RNF17: variants seen among roughly 807,000 people sequenced by gnomAD.
The protein encoded by RNF17 is ring finger protein 17.
RNF17 carries 31 observed loss-of-function variants against 200.5 expected under a neutral mutation model. The ratio of observed to expected loss-of-function variants is 0.15; its 90% CI spans 0.12 to 0.21. The LOEUF (loss-of-function observed/expected upper bound fraction) is 0.21, where lower values mean the gene tolerates loss of function less well. Among genes scored for constraint, RNF17 ranks in the 10% least tolerant of loss-of-function variants. RNF17 has a pLI of 1.00. For missense variants in RNF17, 1,628 were observed against 1,905.1 expected (o/e 0.85, Z 2.71); for synonymous variants, 606 against 637.8 (o/e 0.95, Z 0.75).
intron 29 of RNF17, among the ~76,000 whole-genome samples, chr13:24,865,795 G>A (rs1893559827): frequency 6.6e-6 from 1 of 152,118 alleles, no homozygotes; most frequent in African/African-American, 2.4e-5. Context: ...GGGTGTGTGT[G>A]TGTGTAAAAG....
chr13:24,818,468 GA>G (rs1253897832), intron 15 of RNF17, among the ~76,000 whole-genome samples: 1 of 152,072 alleles, frequency 6.6e-6, no homozygotes, highest in East Asian at 1.9e-4. Flanking sequence ...ATGCACTATT[GA>G]AAGTGGAATA....
intron 33 of RNF17, among the ~76,000 whole-genome samples, chr13:24,876,037 C>G (rs991206421): frequency 3.9e-5 from 6 of 152,146 alleles, no homozygotes; most frequent in Admixed American, 6.5e-5. Flanking sequence ...TTGGCCCTTT[C>G]TAACTTGTTT....
intron 3 of RNF17, among the ~76,000 whole-genome samples, chr13:24,777,067 T>A (rs1284032226): frequency 6.6e-6 from 1 of 152,236 alleles, no homozygotes; most frequent in Non-Finnish European, 1.5e-5. Context: ...TAGAAACTGC[T>A]ATTCTCTAAG....
At chr13:24,848,711 TTCATC>T (rs1382322550) in intron 22 of RNF17, among the ~76,000 whole-genome samples, 1 of 152,086 alleles carries the variant, frequency 6.6e-6, no homozygotes, top group Admixed American at 6.6e-5. Flanking sequence ...TTACCACCAT[TTCATC>T]TCAAGAACTT....
intron 28 of RNF17, 54 bp downstream of exon 28, chr13:24,862,847 TTAAC>T (rs1893236933): frequency 9.8e-7 from 1 of 1,015,688 alleles, no homozygotes; most frequent in Non-Finnish European, 1.5e-6. Flanking sequence ...AATATTATAA[TTAAC>T]ATAATTTGAG....
intron 6 of RNF17, among the ~76,000 whole-genome samples, chr13:24,787,332 A>G (rs1039818227): frequency 6.6e-6 from 1 of 152,028 alleles, no homozygotes; most frequent in African/African-American, 2.4e-5. Context: ...TTCTTTGAGA[A>G]CTGTTTTTAC....
Position 24,789,756 on chromosome 13 carries a change from T to C in RNF17, c.919T>C (p.Phe307Leu). The C allele has an allele frequency of 6.3e-7, 1 of 1,586,180 alleles. No homozygotes were observed. The highest frequency in any genetic ancestry group is 8.7e-7 in the Non-Finnish European group (1 of 1,155,246). ...CMFNNMGKIE[F>L]RDSTKCYPQE... ...GTTCAACAATATGGGAAAGATTGAA[T>C]TTAGGGACTCAACAAAGTAAGTATT... The change falls in exon 9 of 36, where the codon TTT becomes CTT. Residue 307 changes from phenylalanine to leucine, a missense_variant. Coordinates refer to ENST00000255324, the MANE Select transcript of RNF17 (RefSeq NM_031277.3).
upstream of RNF17, among the ~76,000 whole-genome samples, chr13:24,763,204 CTTTT>C (rs11329776): frequency 7.0e-5 from 9 of 129,162 alleles, no homozygotes; most frequent in Non-Finnish European, 8.3e-5. Flanking sequence ...TGCTTCAACT[CTTTT>C]TTTTTTTTTT....
the RNF17 span, chr13:24,885,518 C>G: frequency 3.3e-6 from 4 of 1,219,164 alleles, no homozygotes; most frequent in East Asian, 9.3e-5. Context: ...CTTTTTTACA[C>G]GTGGTTTAGA....
At chr13:24,837,596 T>C (rs1251235416) in intron 18 of RNF17, among the ~76,000 whole-genome samples, 2 of 152,108 alleles carry the variant, frequency 1.3e-5, no homozygotes, top group Admixed American at 6.6e-5. Flanking sequence ...TGAATGAGCA[T>C]TGGGTCAAAA....
chr13:24,861,172 C>A, intron 26 of RNF17, 96 bp from the exon 27 acceptor site: 2 of 1,046,850 alleles, frequency 1.9e-6, no homozygotes, highest in Non-Finnish European at 2.7e-6. Flanking sequence ...AGCCATCAAG[C>A]CCGGCCTGTC....
chr13:24,764,931 T>C (rs1261777561), intron 1 of RNF17, among the ~76,000 whole-genome samples: 2 of 148,064 alleles, frequency 1.4e-5, no homozygotes, highest in Non-Finnish European at 3.0e-5. Context: ...GTGTTGGTCT[T>C]TATACGTGAG....
rs140932870 is a variant in RNF17, at chr13:24,773,604, G to C, written c.226-1209G>C. Among the ~76,000 whole-genome samples, 8 of 152,226 alleles carry C rather than the reference G, an allele frequency of 5.3e-5. No individual in the cohort carries two copies. In the East Asian group the frequency reaches 1.5e-3, roughly 29 times the overall value. ...CTTTCTGTTGGGTTCTGTGCTCACTGTTTGGGTCATGGGATCAACAGAAGC... is the reference window on the plus strand; with the variant it reads ...CTTTCTGTTGGGTTCTGTGCTCACTCTTTGGGTCATGGGATCAACAGAAGC... On this transcript the variant is annotated intron_variant, in intron 2 of 35. Transcript: ENST00000255324.
Position 24,850,327 on chromosome 13 carries a change from G to A in RNF17, c.3102-14G>A, listed in dbSNP as rs1264236043. The A allele has an allele frequency of 1.3e-6, 2 of 1,581,454 alleles. No homozygotes were observed. Among genetic ancestry groups the A allele is most frequent in the Non-Finnish European group, 1.7e-6 (2 of 1,152,264 alleles). ...TATTTTTATAAAACAAGTTGCCACT[G>A]TTTTCTGTTGTAGACCAGCTGGTGG... On this transcript the variant is annotated splice_polypyrimidine_tract_variant and intron_variant, in intron 22 of 35. Coordinates refer to ENST00000255324, the MANE Select transcript of RNF17 (RefSeq NM_031277.3).
chr13:24,781,877 G>C lies in RNF17; in HGVS notation c.544G>C (p.Glu182Gln). 10 of 1,612,104 alleles carry C rather than the reference G, an allele frequency of 6.2e-6. No individual in the cohort carries two copies. The highest frequency in any genetic ancestry group is 8.5e-6 in the Non-Finnish European group (10 of 1,179,520). Residue 182 changes from glutamate (E) to glutamine (Q), a missense_variant, in exon 6 of 36, where the codon GAA becomes CAA. Glu to Gln is a conservative substitution (Grantham distance 29). Coordinates refer to ENST00000255324, the MANE Select transcript of RNF17 (RefSeq NM_031277.3). ...LEHMQKQTIE[E>Q]RERVIEVVEK... Reference sequence around the variant, plus strand: ...ACACATGCAGAAGCAAACGATAGAGGAAAGAGAAAGAGTTATAGAAGTTGT... The same window carrying C: ...ACACATGCAGAAGCAAACGATAGAGCAAAGAGAAAGAGTTATAGAAGTTGT...
Position 24,843,770 on chromosome 13 carries a change from A to G in RNF17, c.2630A>G (p.Lys877Arg). The G allele has an allele frequency of 6.2e-7, 1 of 1,600,230 alleles. No homozygotes were observed. Among genetic ancestry groups the G allele is most frequent in the Non-Finnish European group, 8.5e-7 (1 of 1,170,854 alleles). Residue 877 changes from lysine (K) to arginine (R), a missense_variant, in exon 20 of 36, where the codon AAG (lysine) becomes AGG (arginine). Transcript: ENST00000255324. The part of the protein sequence containing the change: ...IGYILKDNSQ[K>R]HIEVWDPSPE... ...TACATCCTCAAAGATAATTCTCAAA[A>G]GCATATTGAAGTTTGGGATCCTTCT...
At chr13:24,814,954 G>A (rs1338034370) in intron 15 of RNF17, among the ~76,000 whole-genome samples, 4 of 152,166 alleles carry the variant, frequency 2.6e-5, no homozygotes, top group Admixed American at 6.5e-5. Context: ...ATTTTTACAT[G>A]TGAATTTTGT....
intron 15 of RNF17, among the ~76,000 whole-genome samples, chr13:24,807,026 A>C (rs974398955): frequency 1.3e-5 from 2 of 151,420 alleles, no homozygotes; most frequent in African/African-American, 2.4e-5. Context: ...TGTGTGCCAC[A>C]TTTTCTTAAT....
In RNF17 at chr13:24,859,046, A is replaced by G; in HGVS notation, c.3656A>G (p.Lys1219Arg). 1 of 1,603,010 alleles carries G rather than the reference A, an allele frequency of 6.2e-7. No individual in the cohort carries two copies. Among genetic ancestry groups the G allele is most frequent in the Non-Finnish European group, 8.5e-7 (1 of 1,170,984 alleles). The change falls in exon 26 of 36, where the codon AAA becomes AGA. Residue 1219 changes from lysine to arginine, a missense_variant. Physicochemically the swap from Lys to Arg is conservative, Grantham distance 26 (BLOSUM62 2). This residue lies in a region of RNF17 where 609 missense variants were observed against 681.9 expected (regional missense o/e 0.89). Transcript: ENST00000255324. ...ACAAATGAAATTCAAAGTAATTTAA[A>G]ATGCCTTGGTCTTTTGGAGCCTTAT... ...KMTNEIQSNL[K>R]CLGLLEPYFW...
Sources: gnomAD v4.1 joint callset for allele counts (sites outside exome capture counted in the v4.1 genomes callset) on GRCh38, gnomAD v4.1.1 for gene constraint, gnomAD v4.1.1 regional missense constraint, MANE v1.5 for transcripts, NCBI Gene and HGNC (gene_info 2026-07-23, HGNC 2026-07-21) for gene names.